Variants in IRAG1 observed in about 807,000 individuals in gnomAD.
IRAG1 encodes IP3R-associated cGMP kinase substrate.
A neutral mutation model predicts 106.2 loss-of-function variants in IRAG1; 62 were observed. The ratio of observed to expected loss-of-function variants is 0.58; its 90% CI spans 0.48 to 0.72. The LOEUF (loss-of-function observed/expected upper bound fraction) is 0.72. IRAG1 is among the 30% of genes least tolerant of loss of function. The pLI is 0.00. For synonymous variants in IRAG1, 462 were observed against 443.9 expected, an observed-to-expected ratio of 1.04 and a Z score of -0.51; for missense variants, 1,064 against 1,140.7, an observed-to-expected ratio of 0.93 and a Z score of 0.97.
intron 10 of IRAG1, among the ~76,000 whole-genome samples, chr11:10,611,129 C>T (rs895336744): frequency 2.0e-5 from 3 of 152,106 alleles, no homozygotes; most frequent in Non-Finnish European, 4.4e-5. Context: ...TTTGAGCTTG[C>T]CAGTAAGAGA....
intron 9 of IRAG1, among the ~76,000 whole-genome samples, chr11:10,624,745 C>T (rs1317591753): frequency 1.3e-5 from 2 of 152,148 alleles, no homozygotes; most frequent in Admixed American, 6.5e-5. Context: ...ACACTGGAGT[C>T]GGGTAGGGGC....
chr11:10,623,204 T>C (rs1428907328), intron 10 of IRAG1, among the ~76,000 whole-genome samples: 1 of 152,054 alleles, frequency 6.6e-6, no homozygotes, highest in African/African-American at 2.4e-5. Flanking sequence ...GGGCTGGACT[T>C]GCCCAGCTAG....
intron 1 of IRAG1, among the ~76,000 whole-genome samples, chr11:10,661,446 ATTATC>A (rs142195266): frequency 0.013 from 2,028 of 152,226 alleles, 43 homozygotes; most frequent in African/African-American, 0.046. Flanking sequence ...GCACAAATTC[ATTATC>A]TTACAATTCT....
chr11:10,594,266 T>A, intron 15 of IRAG1, 71 bp from the exon 16 acceptor site: 2 of 1,419,304 alleles, frequency 1.4e-6, no homozygotes, highest in Non-Finnish European at 2.0e-6. Flanking sequence ...AAACAGAAAC[T>A]AGGCTATCGT....
intron 17 of IRAG1, among the ~76,000 whole-genome samples, chr11:10,592,144 G>C (rs1852750185): frequency 6.6e-6 from 1 of 152,186 alleles, no homozygotes; most frequent in South Asian, 2.1e-4. Flanking sequence ...TTTGGTTTAA[G>C]TAATGGTTCT....
Position 10,628,929 on chromosome 11 carries a change from C to T in IRAG1, c.575-101G>A. On this transcript the variant is annotated intron_variant, in intron 5 of 20. Coordinates refer to ENST00000423302, the MANE Select transcript of IRAG1 (RefSeq NM_130385.4). This position sits in a 1 kb window ranked among gnomAD's most constrained non-coding sequence, Gnocchi z 4.1. ...TATTCCCAGGCCCTGGGAACTGGGT[C>T]TGCCTTGCTGGGCTCAGGGGCTGAT... 1 of 1,140,060 alleles carries T rather than the reference C, an allele frequency of 8.8e-7. No individual in the cohort carries two copies. Among genetic ancestry groups the T allele is most frequent in the East Asian group, 2.8e-5 (1 of 35,812 alleles). 70.6% of individuals were successfully genotyped at this position (1,140,060 alleles called of 1,614,324 possible).
In IRAG1 at chr11:10,626,546, T is replaced by C. The variant is rs753073282; in HGVS notation, c.788A>G (p.Asp263Gly). The change falls in exon 9 of 21, where the codon GAC (aspartate) becomes GGC (glycine). Residue 263 changes from aspartate (D) to glycine (G), a missense_variant. Asp to Gly is a moderately conservative substitution (Grantham distance 94, BLOSUM62 -1). Transcript: ENST00000423302. ...CCTGCCCTGAGACACTTTCCTCTGG[T>C]CATTCTGCTTCCTGTCAGCTAGCCC... Reference protein sequence around the residue: ...PKGLADRKQNDQRKVSQGRLA... With the variant: ...PKGLADRKQNGQRKVSQGRLA... 30 of 1,611,482 alleles carry C rather than the reference T, an allele frequency of 1.9e-5. 1 individual carries two copies. The Middle Eastern group carries it at 4.9e-4, about 27-fold the overall frequency.
intron 18 of IRAG1, among the ~76,000 whole-genome samples, chr11:10,589,543 A>G (rs1461264768): frequency 6.6e-6 from 1 of 152,122 alleles, no homozygotes; most frequent in Admixed American, 6.5e-5. Flanking sequence ...CTGGGATCAC[A>G]GGTGTGAGCC....
intron 3 of IRAG1, among the ~76,000 whole-genome samples, chr11:10,633,596 T>C (rs1292918885): frequency 6.6e-6 from 1 of 152,178 alleles, no homozygotes; most frequent in Non-Finnish European, 1.5e-5. Flanking sequence ...ACAGTTATTA[T>C]GGGAAACTCT....
Position 10,652,030 on chromosome 11 carries a change from C to G in IRAG1, c.220G>C (p.Gly74Arg). 1.9e-6 allele frequency: 3 copies of G among 1,570,132 alleles called. No individual in the cohort carries two copies. Among genetic ancestry groups the G allele is most frequent in the Non-Finnish European group, 2.6e-6 (3 of 1,158,976 alleles). Residue 74 changes from glycine to arginine, a missense_variant, in exon 2 of 21, where the codon GGC becomes CGC. Physicochemically the swap from Gly to Arg is moderately radical, Grantham distance 125. Coordinates refer to ENST00000423302, the MANE Select transcript of IRAG1 (RefSeq NM_130385.4). ...GGCAGGGAGGGGGCACTTACTTGGC[C>G]GGCAGGGCTCTGGGCTGCCTGTGGC... ...GEPQAAQSPA[G>R]QGPPAAGVSC...
At chr11:10,626,653 C>T (rs1856268364) in intron 8 of IRAG1, 70 bp from the exon 9 acceptor site, 12 of 1,487,244 alleles carry the variant, frequency 8.1e-6, no homozygotes, top group Non-Finnish European at 9.8e-6. Context: ...GCCACTTCTG[C>T]TGTGGAGTCT....
At chr11:10,620,576 T>C (rs1855760528) in intron 10 of IRAG1, among the ~76,000 whole-genome samples, 1 of 152,140 alleles carries the variant, frequency 6.6e-6, no homozygotes, top group Non-Finnish European at 1.5e-5. Flanking sequence ...AGCAAATTAA[T>C]TGAAATAATA....
At position 10,632,073 on chromosome 11, in the gene IRAG1, A is replaced by G. The variant is rs1266958987; in HGVS notation, c.330-12T>C. ...GGGGACTGTGAACTCTGAAAGACAG[A>G]ACAGTCATCTTGTTCAGAAAATCAA... On this transcript the variant is annotated splice_polypyrimidine_tract_variant and intron_variant, in intron 3 of 20. Transcript: ENST00000423302. 5 of 1,607,062 alleles carry G rather than the reference A, an allele frequency of 3.1e-6. No homozygotes were observed. Among genetic ancestry groups the G allele is most frequent in the Admixed American group, 3.3e-5 (2 of 59,990 alleles).
At chr11:10,594,475 G>A (rs1184417805) in intron 15 of IRAG1, among the ~76,000 whole-genome samples, 2 of 152,084 alleles carry the variant, frequency 1.3e-5, no homozygotes, top group Non-Finnish European at 2.9e-5. Flanking sequence ...CACTAAACAC[G>A]CTCTGCATAA....
chr11:10,593,674 G>A, intron 16 of IRAG1, 75 bp from the exon 17 acceptor site: 1 of 1,126,706 alleles, frequency 8.9e-7, no homozygotes, highest in South Asian at 1.3e-5. Context: ...CTGGGAAAAA[G>A]CCTCCTCATT....
At chr11:10,603,829 A>G (rs1240960545) in intron 13 of IRAG1, among the ~76,000 whole-genome samples, 1 of 152,146 alleles carries the variant, frequency 6.6e-6, no homozygotes. Flanking sequence ...GTAAGATATA[A>G]TGGAAAGGTG....
chr11:10,688,131 C>T (rs1364122873), intron 1 of IRAG1, among the ~76,000 whole-genome samples: 2 of 151,310 alleles, frequency 1.3e-5, no homozygotes, highest in Non-Finnish European at 2.9e-5. Context: ...CACCTGTGGT[C>T]CCAAGCATTT....
chr11:10,674,468 T>G (rs928350957), intron 1 of IRAG1, among the ~76,000 whole-genome samples: 2 of 152,180 alleles, frequency 1.3e-5, no homozygotes, highest in Non-Finnish European at 2.9e-5. Context: ...GATTCATCCC[T>G]CACTCCAGAG....
At chr11:10,602,811 C>A (rs2134332451) in intron 14 of IRAG1, among the ~76,000 whole-genome samples, 1 of 152,278 alleles carries the variant, frequency 6.6e-6, no homozygotes. Context: ...TAAAGTGAAC[C>A]AGCCTTCTCC....
Sources: gnomAD v4.1 joint callset for allele counts (sites outside exome capture counted in the v4.1 genomes callset) on GRCh38, gnomAD v4.1.1 for gene constraint, Gnocchi (gnomAD v3.1) non-coding constraint, MANE v1.5 for transcripts, NCBI Gene and HGNC (gene_info 2026-07-23, HGNC 2026-07-21) for gene names.